The following RGS6 variants were observed in gnomAD, a reference collection of about 807,000 sequenced individuals.
The protein encoded by RGS6 is regulator of G-protein signaling 6.
Under a neutral mutation model 78.5 loss-of-function variants are expected in RGS6, and 30 were observed. The ratio of observed to expected loss-of-function variants is 0.38; its 90% CI spans 0.29 to 0.52. The LOEUF (loss-of-function observed/expected upper bound fraction) is 0.52, where lower values mean the gene tolerates loss of function less well. Ranked by LOEUF, RGS6 falls within the 20% of genes least tolerant of loss-of-function variation. The pLI, the probability that RGS6 is intolerant of heterozygous loss-of-function variation, is 0.85. For synonymous variants in RGS6, 206 were observed against 206.0 expected, an observed-to-expected ratio of 1.00 and a Z score of 0.00; for missense variants, 495 against 609.7, an observed-to-expected ratio of 0.81 and a Z score of 1.98.
chr14:72,591,683 C>T, the RGS6 span, among the ~76,000 whole-genome samples: 3 of 152,184 alleles, frequency 2.0e-5, no homozygotes, highest in African/African-American at 7.2e-5. Flanking sequence ...GCACAAGAGA[C>T]TGTGTGGGTG....
At chr14:72,115,075 A>G (rs1401471708) in intron 2 of RGS6, among the ~76,000 whole-genome samples, 2 of 152,240 alleles carry the variant, frequency 1.3e-5, no homozygotes, top group African/African-American at 4.8e-5. Flanking sequence ...ATTTCCTTCT[A>G]ATAAGATTCC....
At chr14:72,612,067 T>C in the RGS6 span, among the ~76,000 whole-genome samples, 3 of 152,120 alleles carry the variant, frequency 2.0e-5, no homozygotes, top group Non-Finnish European at 4.4e-5. Context: ...GGTTTTAATT[T>C]AGCCAGTAAC....
At chr14:72,442,451 C>T (rs1221413999) in intron 3 of RGS6, among the ~76,000 whole-genome samples, 1 of 152,178 alleles carries the variant, frequency 6.6e-6, no homozygotes, top group Non-Finnish European at 1.5e-5. Context: ...CCCAGAATTA[C>T]TCCCCTGTCT....
In RGS6 at chr14:72,467,477, C is replaced by G. The variant is rs2095949904; in HGVS notation, c.459+1655C>G. ...CTTACCTCTCCTAGGTTCATGTTCCCAAGCCTACCAAGCCTACCAAGCCTA... is the reference window on the plus strand; with the variant it reads ...CTTACCTCTCCTAGGTTCATGTTCCGAAGCCTACCAAGCCTACCAAGCCTA... On this transcript the variant is annotated intron_variant, in intron 7 of 17. Transcript: ENST00000553525. 3.6e-5 allele frequency among the ~76,000 whole-genome samples: 5 copies of G among 138,996 alleles called. No homozygotes were observed. The South Asian group carries it at 1.0e-3, about 28-fold the overall frequency. The allele number at this position is 138,996 out of a possible 152,430, so 91.2% of individuals were successfully genotyped here.
At chr14:72,277,585 G>A (rs993101641) in intron 2 of RGS6, among the ~76,000 whole-genome samples, 2 of 150,446 alleles carry the variant, frequency 1.3e-5, no homozygotes, top group East Asian at 2.0e-4. Flanking sequence ...GACAGAGAGC[G>A]ACTCCATCTA....
intron 16 of RGS6, among the ~76,000 whole-genome samples, chr14:72,539,020 G>A (rs562110206): frequency 5.3e-5 from 8 of 152,266 alleles, no homozygotes; most frequent in Non-Finnish European, 8.8e-5. Flanking sequence ...TGCACTCTCC[G>A]AACTTCTCAG....
intron 3 of RGS6, among the ~76,000 whole-genome samples, chr14:72,361,956 G>C (rs1302444737): frequency 6.6e-6 from 1 of 152,182 alleles, no homozygotes; most frequent in South Asian, 2.1e-4. Context: ...ACGTAAGAGG[G>C]CTGCAGGGAA....
rs1206144943 is a variant in RGS6 at position 72,565,551 on chromosome 14, G to A, written c.*3084G>A. The A allele has an allele frequency of 6.6e-6, 1 of 152,244 alleles. No homozygotes were observed. The highest frequency in any genetic ancestry group is 1.9e-4 in the East Asian group (1 of 5,186). 9.4% of individuals were successfully genotyped at this position (152,244 alleles called of 1,614,324 possible). ...AAAGCAGGGCCCAACTGCCAGTGCAGTCAGCTGGGCCTGCGCTCCAGGCTC... is the reference window on the plus strand; with the variant it reads ...AAAGCAGGGCCCAACTGCCAGTGCAATCAGCTGGGCCTGCGCTCCAGGCTC... On this transcript the variant is annotated 3_prime_UTR_variant, in exon 18 of 18. Transcript: ENST00000553525.
chr14:72,182,276 G>A (rs2097183074), intron 2 of RGS6, among the ~76,000 whole-genome samples: 1 of 151,916 alleles, frequency 6.6e-6, no homozygotes, highest in African/African-American at 2.4e-5. Context: ...CGGGCCTGGT[G>A]GCACACGCCT....
At chr14:72,042,647 CTT>C (rs34704022) in intron 2 of RGS6, among the ~76,000 whole-genome samples, 6 of 151,958 alleles carry the variant, frequency 3.9e-5, no homozygotes, top group South Asian at 2.1e-4. Context: ...ATATAATAAA[CTT>C]TTTTTTTCAT....
chr14:72,148,965 T>C (rs1040353121), intron 2 of RGS6, among the ~76,000 whole-genome samples: 7 of 152,222 alleles, frequency 4.6e-5, no homozygotes, highest in Non-Finnish European at 8.8e-5. Context: ...TTTACTGTGC[T>C]CATTAATCTG....
At chr14:72,194,978 C>T (rs769685497) in intron 2 of RGS6, among the ~76,000 whole-genome samples, 3 of 152,098 alleles carry the variant, frequency 2.0e-5, no homozygotes, top group African/African-American at 4.8e-5. Flanking sequence ...GAGGCCGAGG[C>T]AGGCGGATCG....
intron 2 of RGS6, among the ~76,000 whole-genome samples, chr14:72,301,902 A>C (rs2066149499): frequency 6.6e-6 from 1 of 152,218 alleles, no homozygotes; most frequent in Non-Finnish European, 1.5e-5. Flanking sequence ...CCCTACTTCA[A>C]ATAAGGTCAC....
intron 1 of RGS6, among the ~76,000 whole-genome samples, chr14:71,954,453 T>A (rs1328948846): frequency 6.6e-6 from 1 of 152,180 alleles, no homozygotes; most frequent in Non-Finnish European, 1.5e-5. Flanking sequence ...TTTTTAATTT[T>A]TATGGGTACA....
intron 2 of RGS6, among the ~76,000 whole-genome samples, chr14:72,183,032 G>A (rs2097194988): frequency 6.6e-6 from 1 of 152,160 alleles, no homozygotes; most frequent in South Asian, 2.1e-4. Flanking sequence ...ATTTGATAGA[G>A]ACCACATGAA....
At chr14:72,456,759 A>C (rs534463583) in intron 4 of RGS6, among the ~76,000 whole-genome samples, 2 of 152,106 alleles carry the variant, frequency 1.3e-5, no homozygotes, top group African/African-American at 4.8e-5. Context: ...AGCTGGACTC[A>C]TGGTTCTTGA....
At chr14:71,931,580 T>C (rs1010017515), upstream of RGS6, among the ~76,000 whole-genome samples, 3 of 152,176 alleles carry the variant, frequency 2.0e-5, no homozygotes, top group Non-Finnish European at 4.4e-5. Context: ...TTTCCCCTTT[T>C]CTGGTGACAT....
intron 12 of RGS6, among the ~76,000 whole-genome samples, chr14:72,492,257 T>C (rs1476457373): frequency 6.6e-6 from 1 of 152,216 alleles, no homozygotes; most frequent in African/African-American, 2.4e-5. Flanking sequence ...ACTGTATTTG[T>C]GCTTAGGTTC....
At chr14:72,412,359 C>T (rs542963594) in intron 3 of RGS6, among the ~76,000 whole-genome samples, 69 of 152,110 alleles carry the variant, frequency 4.5e-4, no homozygotes, top group Non-Finnish European at 8.2e-4. Flanking sequence ...TGCATAGAGG[C>T]GTTTATAGTA....
Sources: allele counts gnomAD v4.1 joint callset (sites outside exome capture counted in the v4.1 genomes callset), GRCh38; gene constraint gnomAD v4.1.1; transcripts MANE v1.5; gene names NCBI Gene and HGNC (gene_info 2026-07-23, HGNC 2026-07-21).